FAH: variants seen among roughly 807,000 people sequenced by gnomAD.
FAH encodes the protein fumarylacetoacetate hydrolase, also known as fumarylacetoacetase.
FAH carries 47 observed loss-of-function variants against 55.8 expected under a neutral mutation model. The ratio of observed to expected loss-of-function variants is 0.84; its 90% CI spans 0.67 to 1.07. The LOEUF (loss-of-function observed/expected upper bound fraction) is 1.07, where lower values mean the gene tolerates loss of function less well. Ranked by LOEUF, FAH falls within the 50% of genes least tolerant of loss-of-function variation. The pLI is 0.00. For missense variants in FAH, 495 were observed against 545.9 expected, an observed-to-expected ratio of 0.91 and a Z score of 0.93; for synonymous variants, 199 against 207.7, an observed-to-expected ratio of 0.96 and a Z score of 0.36.
At chr15:80,156,809 C>T (rs554517971) in intron 1 of FAH, 31 of 152,316 alleles carry the variant, frequency 2.0e-4, no homozygotes, top group African/African-American at 7.2e-4. Flanking sequence ...CAGACTTTTT[C>T]TGGGTCCTCA....
Position 80,174,721 on chromosome 15 carries a change from C to T in FAH, c.838-295C>T, listed in dbSNP as rs2278205. 0.51 allele frequency among the ~76,000 whole-genome samples: 77,802 copies of T among 152,072 alleles called. 21,062 individuals are homozygous for T. Among genetic ancestry groups the T allele is most frequent in the East Asian group, 0.77 (3,957 of 5,164 alleles). ...TCCATCTCGGCCTGTCTGCTGCCCA[C>T]CTTCCCTTTCTCTCCCCTCCTGTGG... is the stretch of plus-strand genomic sequence containing the variant. On this transcript the variant is annotated intron_variant, in intron 9 of 13. Coordinates refer to ENST00000561421, the MANE Select transcript of FAH (RefSeq NM_000137.4).
chr15:80,165,190 A>G (rs556309805), intron 5 of FAH, among the ~76,000 whole-genome samples: 1 of 152,278 alleles, frequency 6.6e-6, no homozygotes, highest in African/African-American at 2.4e-5. Context: ...CAGGAGTTTG[A>G]GACCAGCCTG....
At chr15:80,157,712 A>G in intron 1 of FAH, 1 of 369,208 alleles carries the variant, frequency 2.7e-6, no homozygotes, top group Non-Finnish European at 5.2e-6. Flanking sequence ...TAAGGTGGTA[A>G]GCTCCTCATC....
intron 7 of FAH, among the ~76,000 whole-genome samples, chr15:80,171,292 C>T (rs967166398): frequency 6.6e-6 from 1 of 151,266 alleles, no homozygotes; most frequent in Non-Finnish European, 1.5e-5. Context: ...GGCACATATA[C>T]ACCATGGAAT....
chr15:80,180,042 A>G, intron 11 of FAH, 82 bp from the exon 12 acceptor site: 2 of 901,892 alleles, frequency 2.2e-6, no homozygotes, highest in Non-Finnish European at 3.5e-6. Context: ...GGTCGTGAGC[A>G]GGGCAGGCTG....
intron 2 of FAH, among the ~76,000 whole-genome samples, chr15:80,158,653 A>T (rs1388386851): frequency 6.6e-6 from 1 of 152,222 alleles, no homozygotes; most frequent in Non-Finnish European, 1.5e-5. Flanking sequence ...CTACTTTGAT[A>T]TAGCATCTTC....
intron 11 of FAH, among the ~76,000 whole-genome samples, chr15:80,178,393 C>G (rs1437184153): frequency 1.3e-5 from 2 of 152,076 alleles, no homozygotes; most frequent in Non-Finnish European, 2.9e-5. Flanking sequence ...ACCTCTGCTA[C>G]CATGTATTAT....
rs749985438 is a variant in FAH at position 80,186,257 on chromosome 15, A to G, written c.*48A>G. ...ACAAAGGGCTCAAGCACCCCTTTCA[A>G]CCCTGTGACTGGGGTCCTCCCTCGG... On this transcript the variant is annotated 3_prime_UTR_variant, in exon 14 of 14. Coordinates refer to ENST00000561421, the MANE Select transcript of FAH (RefSeq NM_000137.4). The G allele has an allele frequency of 2.0e-6, 3 of 1,481,220 alleles. No individual in the cohort carries two copies. Among genetic ancestry groups the G allele is most frequent in the African/African-American group, 2.8e-5 (2 of 72,384 alleles). The allele number at this position is 1,481,220 out of a possible 1,614,324, so 91.8% of individuals were successfully genotyped here.
chr15:80,170,427 C>G (rs1453493531), intron 7 of FAH, among the ~76,000 whole-genome samples: 2 of 152,156 alleles, frequency 1.3e-5, no homozygotes, highest in African/African-American at 2.4e-5. Flanking sequence ...CCTGGGCTTC[C>G]CTGTGATTTC....
chr15:80,153,165 C>T (rs751861502), intron 1 of FAH, 30 bp downstream of exon 1: 8 of 1,461,176 alleles, frequency 5.5e-6, no homozygotes, highest in Non-Finnish European at 7.4e-6. Flanking sequence ...CGTCCGGGCG[C>T]GGGGAGGGAG....
intron 9 of FAH, among the ~76,000 whole-genome samples, chr15:80,174,787 C>T (rs947041544): frequency 2.4e-4 from 37 of 152,122 alleles, no homozygotes; most frequent in African/African-American, 8.7e-4. Flanking sequence ...TGACCTTTGA[C>T]CTGCTGATGC....
intron 11 of FAH, among the ~76,000 whole-genome samples, chr15:80,179,038 G>T (rs979660220): frequency 1.3e-5 from 2 of 152,168 alleles, no homozygotes; most frequent in Non-Finnish European, 2.9e-5. Flanking sequence ...TGTATATCCA[G>T]TAATAGGCTT....
intron 1 of FAH, chr15:80,156,604 G>A (rs531208761): frequency 1.3e-5 from 2 of 152,190 alleles, no homozygotes; most frequent in South Asian, 2.1e-4. Context: ...AGACAAATGC[G>A]GTCTCCCTCC....
At chr15:80,167,906 C>A in intron 5 of FAH, 146 bp from the exon 6 acceptor site, 1 of 693,782 alleles carries the variant, frequency 1.4e-6, no homozygotes, top group South Asian at 1.6e-5. Flanking sequence ...ATCCATTCAT[C>A]TGTGGATGGA....
intron 11 of FAH, among the ~76,000 whole-genome samples, chr15:80,177,947 C>T (rs1377271941): frequency 6.6e-6 from 1 of 152,162 alleles, no homozygotes; most frequent in Non-Finnish European, 1.5e-5. Flanking sequence ...TTACTGTAAT[C>T]CCAGCACTTT....
rs753784953 is a variant in FAH at position 80,168,085 on chromosome 15, C to G, written c.489C>G (p.Ala163=). ...LHLPVGYHGR[A]SSVVVSGTPI... ...TACCAGTGGGCTACCATGGCCGTGC[C>G]TCCTCTGTCGTGGTGTCTGGCACCC... Residue 163 remains alanine (A), a synonymous_variant, in exon 6 of 14, where the codon GCC becomes GCG. Transcript: ENST00000561421. 6.2e-7 allele frequency: 1 copy of G among 1,614,194 alleles called. No homozygotes were observed. The highest frequency in any genetic ancestry group is 8.5e-7 in the Non-Finnish European group (1 of 1,180,042).
At chr15:80,169,412 A>C (rs1462064271) in intron 7 of FAH, among the ~76,000 whole-genome samples, 1 of 152,040 alleles carries the variant, frequency 6.6e-6, no homozygotes, top group African/African-American at 2.4e-5. Context: ...AAAAACCCAA[A>C]AATAATAATT....
chr15:80,171,888 C>T (rs1350897511), intron 7 of FAH, among the ~76,000 whole-genome samples: 2 of 152,148 alleles, frequency 1.3e-5, no homozygotes, highest in Non-Finnish European at 2.9e-5. Context: ...CTGGGATGCA[C>T]TGAAGGGAGG....
chr15:80,159,954 T>A, intron 3 of FAH, 77 bp downstream of exon 3: 3 of 1,553,954 alleles, frequency 1.9e-6, no homozygotes, highest in Non-Finnish European at 2.6e-6. Flanking sequence ...TCAGTGCCAT[T>A]CTGAGTCACG....
Sources: allele counts gnomAD v4.1 joint callset (sites outside exome capture counted in the v4.1 genomes callset), GRCh38; gene constraint gnomAD v4.1.1; transcripts MANE v1.5; gene names NCBI Gene and HGNC (gene_info 2026-07-23, HGNC 2026-07-21).